GCN1: variants seen among roughly 807,000 people sequenced by gnomAD.
GCN1 encodes GCN1 activator of EIF2AK4, also known as stalled ribosome sensor GCN1.
GCN1 carries 90 observed loss-of-function variants against 288.4 expected under a neutral mutation model. The ratio of observed to expected loss-of-function variants is 0.31; its 90% CI spans 0.26 to 0.37. The LOEUF (loss-of-function observed/expected upper bound fraction) is 0.37. Ranked by LOEUF, GCN1 falls within the 10% of genes least tolerant of loss-of-function variation. GCN1 has a pLI of 1.00. For synonymous variants in GCN1, 1,386 were observed against 1,420.2 expected, an observed-to-expected ratio of 0.98 and a Z score of 0.54; for missense variants, 2,586 against 3,419.9, an observed-to-expected ratio of 0.76 and a Z score of 6.08.
At chr12:120,191,489 C>T (rs929634137) in intron 1 of GCN1, among the ~76,000 whole-genome samples, 3 of 152,216 alleles carry the variant, frequency 2.0e-5, no homozygotes, top group Non-Finnish European at 2.9e-5. Context: ...GCTCATGTAA[C>T]TTAACACAGT....
intron 1 of GCN1, among the ~76,000 whole-genome samples, chr12:120,190,856 C>T (rs764705734): frequency 4.6e-5 from 7 of 152,136 alleles, no homozygotes; most frequent in Non-Finnish European, 1.0e-4. Flanking sequence ...TCACTTTAAC[C>T]TCCCCATAAA....
At chr12:120,184,938 C>T (rs1417757409) in intron 2 of GCN1, 51 bp from the exon 3 acceptor site, 1 of 1,242,670 alleles carries the variant, frequency 8.0e-7, no homozygotes, top group South Asian at 1.2e-5. Context: ...ACTTGGTAAG[C>T]CGCTGGAGTC....
intron 38 of GCN1, among the ~76,000 whole-genome samples, chr12:120,146,806 TGA>T (rs1330264037): frequency 2.6e-5 from 4 of 152,092 alleles, no homozygotes; most frequent in African/African-American, 9.7e-5. Context: ...TCAACACTCT[TGA>T]GAGGTCAAAA....
chr12:120,140,663 A>C (rs1877158502), intron 45 of GCN1, among the ~76,000 whole-genome samples, 196 bp downstream of exon 45: 1 of 152,222 alleles, frequency 6.6e-6, no homozygotes, highest in Admixed American at 6.5e-5. Flanking sequence ...CTTAGCCTGC[A>C]AAACTGACAG....
intron 31 of GCN1, among the ~76,000 whole-genome samples, 199 bp downstream of exon 31, chr12:120,154,771 T>C (rs1432972004): frequency 6.6e-6 from 1 of 152,142 alleles, no homozygotes; most frequent in Non-Finnish European, 1.5e-5. Context: ...AGGAGGCAGG[T>C]CAGAGGCTCT....
Position 120,134,853 on chromosome 12 carries a change from G to A in GCN1, c.7009-127C>T. On this transcript the variant is annotated intron_variant, in intron 51 of 57. Coordinates refer to ENST00000300648, the MANE Select transcript of GCN1 (RefSeq NM_006836.2). The surrounding 1 kb of genome is among the most constrained non-coding windows in gnomAD (Gnocchi z 5.0). ...GAGTCCAGCTCTCATACAGGGCTGG[G>A]GACAGATAGCCCGTCAGAGAGGCCA... is the stretch of plus-strand genomic sequence containing the variant. 2.6e-6 allele frequency: 2 copies of A among 769,904 alleles called. 1 individual carries two copies. Among genetic ancestry groups the A allele is most frequent in the South Asian group, 3.4e-5 (2 of 58,624 alleles). The allele number at this position is 769,904 out of a possible 1,614,324, so 47.7% of individuals were successfully genotyped here.
In GCN1 at chr12:120,148,101, T is replaced by C. The variant is rs1309010438; in HGVS notation, c.4726+66A>G. ...CTTAGCTGAATGGGTGCAAGTTCCC[T>C]GCAGTGTCCAAAGGCTGCGGCGTTG... On this transcript the variant is annotated intron_variant, in intron 37 of 57. Transcript: ENST00000300648. The C allele has an allele frequency of 3.4e-6, 4 of 1,184,700 alleles. No individual in the cohort carries two copies. In the African/African-American group the frequency reaches 4.6e-5, roughly 14 times the overall value. The allele number at this position is 1,184,700 out of a possible 1,614,324, so 73.4% of individuals were successfully genotyped here.
At position 120,137,126 on chromosome 12, in the gene GCN1, C is replaced by A. The variant is rs902099584; in HGVS notation, c.6777+80G>T. On this transcript the variant is annotated intron_variant, in intron 50 of 57. Coordinates refer to ENST00000300648, the MANE Select transcript of GCN1 (RefSeq NM_006836.2). This position sits in a 1 kb window ranked among gnomAD's most constrained non-coding sequence, Gnocchi z 5.2. ...GCTACTGCTCCAGCAGCCCCTACCG[C>A]AGACCTGGGACAGGGGTAAGGGCCA... 6 of 1,003,114 alleles carry A rather than the reference C, an allele frequency of 6.0e-6. No individual in the cohort carries two copies. The highest frequency in any genetic ancestry group is 3.5e-5 in the Admixed American group (2 of 57,392). The allele number at this position is 1,003,114 out of a possible 1,614,324, so 62.1% of individuals were successfully genotyped here.
At chr12:120,148,793 T>G (rs1031686813) in intron 36 of GCN1, among the ~76,000 whole-genome samples, 1 of 152,190 alleles carries the variant, frequency 6.6e-6, no homozygotes, top group Non-Finnish European at 1.5e-5. Context: ...TCTACTTTTA[T>G]CTGTTTGCTT....
intron 34 of GCN1, among the ~76,000 whole-genome samples, chr12:120,150,322 C>T (rs574851071): frequency 2.0e-5 from 3 of 152,226 alleles, no homozygotes; most frequent in Non-Finnish European, 2.9e-5. Context: ...CTTGGCCGGG[C>T]GCGGTGGCTC....
intron 53 of GCN1, among the ~76,000 whole-genome samples, chr12:120,132,780 C>G (rs1342774701): frequency 1.3e-5 from 2 of 152,186 alleles, no homozygotes; most frequent in Non-Finnish European, 2.9e-5. Flanking sequence ...CAACCAGGGA[C>G]TCAATAACCC....
intron 4 of GCN1, 51 bp downstream of exon 4, chr12:120,184,061 C>A: frequency 1.3e-6 from 2 of 1,523,290 alleles, no homozygotes; most frequent in South Asian, 1.2e-5. Context: ...ATCAGCTTCT[C>A]CTGAGCAGGA....
In GCN1 at chr12:120,168,126, G is replaced by A. The variant is rs1301156434; in HGVS notation, c.1612+82C>T. On this transcript the variant is annotated intron_variant, in intron 16 of 57. Transcript: ENST00000300648. The stretch of plus-strand genomic sequence containing the variant: ...CAGGTTTTTGCAGACCTGACTGGTT[G>A]GTCAAGAAAGGGTCCTCTCTGAAGA... 5 of 856,354 alleles carry A rather than the reference G, an allele frequency of 5.8e-6. No individual in the cohort carries two copies. The Admixed American group carries it at 8.7e-5, about 15-fold the overall frequency. 53.0% of individuals were successfully genotyped at this position (856,354 alleles called of 1,614,324 possible). A position where few individuals can be genotyped will look rare whatever the true frequency, so the allele number is the denominator to read the frequency against.
intron 5 of GCN1, among the ~76,000 whole-genome samples, chr12:120,179,397 ATT>A (rs1224651602): frequency 1.9e-4 from 24 of 127,112 alleles, no homozygotes; most frequent in Admixed American, 4.0e-4. Context: ...TGCCCAGCTA[ATT>A]TTTTTTTTTT....
intron 34 of GCN1, 144 bp from the exon 35 acceptor site, chr12:120,150,187 T>C (rs751618704): frequency 1.8e-5 from 13 of 740,414 alleles, no homozygotes; most frequent in African/African-American, 5.3e-5. Context: ...AGATGCCCCA[T>C]GAGGAGGCAG....
chr12:120,142,489 A>G lies in GCN1; in HGVS notation c.5829+18T>C, dbSNP rs1297316785. Reference sequence around the variant, plus strand: ...GGCACTGGGGCTGCTGGTCCAAAACAAGGCCCAGGAAACTCACCGTTCTCT... The same window carrying G: ...GGCACTGGGGCTGCTGGTCCAAAACGAGGCCCAGGAAACTCACCGTTCTCT... On this transcript the variant is annotated intron_variant, in intron 44 of 57. Transcript: ENST00000300648. The surrounding 1 kb of genome is among the most constrained non-coding windows in gnomAD (Gnocchi z 4.9). 6.2e-7 allele frequency: 1 copy of G among 1,600,564 alleles called. No individual in the cohort carries two copies. The highest frequency in any genetic ancestry group is 1.1e-5 in the South Asian group (1 of 90,800).
rs1398565427 is a variant in GCN1 at position 120,131,234 on chromosome 12, T to C, written c.7514A>G (p.Tyr2505Cys). ...VAPGRLCAGRYSSDVQEMILS... is the reference protein window; with the variant it reads ...VAPGRLCAGRCSSDVQEMILS... ...GATCATTTCCTGAACATCACTGCTA[T>C]ATCTGCCGGCACAAAGTCTGCCAGG... The change falls in exon 55 of 58, where the codon TAT (tyrosine) becomes TGT (cysteine). Residue 2505 changes from tyrosine (Y) to cysteine (C), a missense_variant. Physicochemically the swap from Tyr to Cys is radical, Grantham distance 194 (BLOSUM62 -2). Coordinates refer to ENST00000300648, the MANE Select transcript of GCN1 (RefSeq NM_006836.2). 3 of 1,614,030 alleles carry C rather than the reference T, an allele frequency of 1.9e-6. No homozygotes were observed. Among genetic ancestry groups the C allele is most frequent in the East Asian group, 2.2e-5 (1 of 44,894 alleles).
At chr12:120,140,816 C>T (rs190429497) in intron 45 of GCN1, 43 bp downstream of exon 45, 19 of 1,585,010 alleles carry the variant, frequency 1.2e-5, no homozygotes, top group East Asian at 6.7e-5. Context: ...TGAGTCAGGT[C>T]GTCTGCAGTG....
At position 120,184,906 on chromosome 12, in the gene GCN1, C is replaced by T. The variant is rs763976860; in HGVS notation, c.122-19G>A. 2.0e-5 allele frequency: 31 copies of T among 1,575,156 alleles called. No individual in the cohort carries two copies. Among genetic ancestry groups the T allele is most frequent in the South Asian group, 3.3e-5 (3 of 90,270 alleles). On this transcript the variant is annotated intron_variant, in intron 2 of 57. Coordinates refer to ENST00000300648, the MANE Select transcript of GCN1 (RefSeq NM_006836.2). ...GGAAGATCTGAAACCAGAGATTACA[C>T]AGACAGCGGTCAATAAAAATCACTT...
Sources: allele counts gnomAD v4.1 joint callset (sites outside exome capture counted in the v4.1 genomes callset), GRCh38; gene constraint gnomAD v4.1.1; non-coding constraint Gnocchi (gnomAD v3.1); transcripts MANE v1.5; gene names NCBI Gene and HGNC (gene_info 2026-07-23, HGNC 2026-07-21).